The following CTBP1 variants were observed in gnomAD, a reference collection of about 807,000 sequenced individuals.
CTBP1 encodes the protein C-terminal binding protein 1.
Under a neutral mutation model 42.1 loss-of-function variants are expected in CTBP1, and 11 were observed. The observed-to-expected ratio is 0.26, with a 90% CI of 0.16 to 0.43. CTBP1 has a LOEUF of 0.43. Ranked by LOEUF, CTBP1 falls within the 20% of genes least tolerant of loss-of-function variation. The pLI is 1.00. For synonymous variants in CTBP1, 324 were observed against 277.1 expected, an observed-to-expected ratio of 1.17 and a Z score of -1.68; for missense variants, 399 against 624.3, an observed-to-expected ratio of 0.64 and a Z score of 3.85.
rs1053530956 is a variant in CTBP1, at chr4:1,238,863, G to A, written c.8-526C>T. On this transcript the variant is annotated intron_variant, in intron 2 of 9. Transcript: ENST00000382952. The surrounding 1 kb of genome is among the most constrained non-coding windows in gnomAD (Gnocchi z 5.9). ...CCAGGGCAGCTCCATGAGGCAGGGGGACAGGAGGGACCCAGGACACTGGAG... is the reference window on the plus strand; with the variant it reads ...CCAGGGCAGCTCCATGAGGCAGGGGAACAGGAGGGACCCAGGACACTGGAG... 6.6e-6 allele frequency among the ~76,000 whole-genome samples: 1 copy of A among 151,912 alleles called. No homozygotes were observed. The highest frequency in any genetic ancestry group is 6.6e-5 in the Admixed American group (1 of 15,258).
At chr4:1,247,594 G>A (rs1056536347) in intron 1 of CTBP1, among the ~76,000 whole-genome samples, 1 of 152,134 alleles carries the variant, frequency 6.6e-6, no homozygotes, top group Non-Finnish European at 1.5e-5. Context: ...TTACCCCACG[G>A]TTCTCCCCCA....
chr4:1,242,014 T>A, intron 1 of CTBP1: 1 of 999,726 alleles, frequency 1.0e-6, no homozygotes, highest in Non-Finnish European at 1.2e-6. Flanking sequence ...CTGCTGGCTT[T>A]CCAGCATCCA....
At chr4:1,243,479 G>A in intron 1 of CTBP1, 2 of 985,326 alleles carry the variant, frequency 2.0e-6, no homozygotes, top group South Asian at 4.7e-5. Context: ...GACACCTGAG[G>A]CCCAGCACCT....
At chr4:1,213,428 G>A in intron 8 of CTBP1, 50 bp downstream of exon 8, 1 of 1,599,794 alleles carries the variant, frequency 6.3e-7, no homozygotes, top group Non-Finnish European at 8.5e-7. Context: ...GAGCATCTGG[G>A]GCTGGCAGGA....
At chr4:1,248,447 T>C (rs1368314954) in intron 1 of CTBP1, among the ~76,000 whole-genome samples, 3 of 149,030 alleles carry the variant, frequency 2.0e-5, no homozygotes, top group African/African-American at 7.4e-5. Flanking sequence ...CTCCCGCGAG[T>C]GGCCCGGGAG....
chr4:1,243,097 A>C, intron 1 of CTBP1: 1 of 985,340 alleles, frequency 1.0e-6, no homozygotes, highest in Non-Finnish European at 1.2e-6. Context: ...AATGCTACCC[A>C]CGGTGGCCCA....
chr4:1,213,666 G>A, intron 7 of CTBP1, 61 bp from the exon 8 acceptor site: 1 of 1,572,978 alleles, frequency 6.4e-7, no homozygotes, highest in Non-Finnish European at 8.6e-7. Context: ...ACGGAGGGGA[G>A]GTGGCTGGGC....
chr4:1,237,738 G>A (rs1166165384), intron 3 of CTBP1: 2 of 679,352 alleles, frequency 2.9e-6, no homozygotes, highest in African/African-American at 3.9e-5. Context: ...GGGGCTCAGG[G>A]AAAACCCCGT....
At chr4:1,236,672 C>T (rs560997219) in intron 3 of CTBP1, 30 of 359,726 alleles carry the variant, frequency 8.3e-5, no homozygotes, top group South Asian at 1.5e-4. Flanking sequence ...AGGGCAAACC[C>T]GGTGTCCACC....
At position 1,241,453 on chromosome 4, in the gene CTBP1, C is replaced by T. The variant is rs774710944; in HGVS notation, c.-122G>A. The T allele has an allele frequency of 4.8e-5, 77 of 1,593,356 alleles. No individual in the cohort carries two copies. Among genetic ancestry groups the T allele is most frequent in the Middle Eastern group, 1.7e-4 (1 of 6,044 alleles). On this transcript the variant is annotated 5_prime_UTR_variant, in exon 2 of 10. Transcript: ENST00000382952. ...CCTCATCCCACGTCCTTAATTGTCT[C>T]GAGCCAAAGTGCTCAGGCTTCTGAT... is the stretch of plus-strand genomic sequence containing the variant.
At chr4:1,244,209 C>T (rs889556249) in intron 1 of CTBP1, 2 of 985,126 alleles carry the variant, frequency 2.0e-6, no homozygotes, top group African/African-American at 3.5e-5. Context: ...GTTGGCCACG[C>T]CTGCCCACTC....
In CTBP1 at chr4:1,238,376, C is replaced by T. The variant is rs777232583; in HGVS notation, c.8-39G>A. On this transcript the variant is annotated intron_variant, in intron 2 of 9. Coordinates refer to ENST00000382952, the MANE Select transcript of CTBP1 (RefSeq NM_001012614.2). The surrounding 1 kb of genome is among the most constrained non-coding windows in gnomAD (Gnocchi z 5.9). ...GCAAGTGCTCAGCCTTGCACCACTG[C>T]GGCCCCGTGGCTACAACCCACTCCA... 26 of 1,513,972 alleles carry T rather than the reference C, an allele frequency of 1.7e-5. No individual in the cohort carries two copies. Among genetic ancestry groups the T allele is most frequent in the South Asian group, 1.2e-4 (9 of 77,776 alleles). The allele number at this position is 1,513,972 out of a possible 1,614,324, so 93.8% of individuals were successfully genotyped here.
chr4:1,227,302 C>T lies in CTBP1; in HGVS notation c.307+897G>A, dbSNP rs540968435. Among the ~76,000 whole-genome samples the T allele has an allele frequency of 9.6e-4, 146 of 151,544 alleles. 1 individual carries two copies. The highest frequency in any genetic ancestry group is 3.3e-3 in the African/African-American group (135 of 41,184). On this transcript the variant is annotated intron_variant, in intron 4 of 9. Coordinates refer to ENST00000382952, the MANE Select transcript of CTBP1 (RefSeq NM_001012614.2). ...GTGTGCACAGGTGCAGATGAGTGTG[C>T]GTGATCCGTGTGCTGAGTGCATGTG...
chr4:1,243,997 A>T, intron 1 of CTBP1: 1 of 985,416 alleles, frequency 1.0e-6, no homozygotes, highest in Non-Finnish European at 1.2e-6. Flanking sequence ...TTTTCCTGTA[A>T]ATCTAAGACT....
chr4:1,232,975 C>G (rs1294036046), intron 3 of CTBP1: 3 of 152,540 alleles, frequency 2.0e-5, no homozygotes, highest in African/African-American at 7.2e-5. Context: ...GGTACCAACA[C>G]TGCCCAACTG....
At chr4:1,234,547 C>T (rs902830882) in intron 3 of CTBP1, 10 of 152,282 alleles carry the variant, frequency 6.6e-5, no homozygotes, top group African/African-American at 2.4e-4. Flanking sequence ...ACGCCGGCCC[C>T]ACCCCAACCA....
At chr4:1,246,966 C>G (rs1224236059) in intron 1 of CTBP1, among the ~76,000 whole-genome samples, 2 of 152,246 alleles carry the variant, frequency 1.3e-5, no homozygotes, top group African/African-American at 4.8e-5. Context: ...TCCAATCCCA[C>G]CAGGACATGG....
chr4:1,214,061 C>G (rs765086259), intron 7 of CTBP1: 2 of 476,502 alleles, frequency 4.2e-6, no homozygotes, highest in East Asian at 7.7e-5. Context: ...ATGGGGACCA[C>G]TCACAGACAC....
intron 2 of CTBP1, among the ~76,000 whole-genome samples, 156 bp downstream of exon 2, chr4:1,241,169 C>T (rs922789807): frequency 2.0e-5 from 3 of 152,204 alleles, no homozygotes; most frequent in African/African-American, 7.2e-5. Context: ...CACCTGACCT[C>T]GCCCAGAGCA....
Sources: allele counts gnomAD v4.1 joint callset (sites outside exome capture counted in the v4.1 genomes callset), GRCh38; gene constraint gnomAD v4.1.1; non-coding constraint Gnocchi (gnomAD v3.1); transcripts MANE v1.5; gene names NCBI Gene and HGNC (gene_info 2026-07-23, HGNC 2026-07-21).